CSMD3: variants seen among roughly 807,000 people sequenced by gnomAD.
CSMD3 encodes CUB and sushi domain-containing protein 3.
In CSMD3, 177 loss-of-function variants were observed where a neutral mutation model predicts 435.2. That is an observed-to-expected ratio of 0.41 (90% confidence interval 0.36 to 0.46). CSMD3 has a LOEUF of 0.46. Ranked by LOEUF, CSMD3 falls within the 20% of genes least tolerant of loss-of-function variation. The probability of loss-of-function intolerance (pLI) is 0.34; values close to 1 mark genes in which losing one functional copy is unlikely to be tolerated. For synonymous variants in CSMD3, 1,656 were observed against 1,520.5 expected (o/e 1.09, Z -2.07); for missense variants, 4,265 against 4,504.6 (o/e 0.95, Z 1.52).
intron 9 of CSMD3, among the ~76,000 whole-genome samples, 187 bp downstream of exon 9, chr8:112,947,603 T>C (rs925762122): frequency 1.3e-5 from 2 of 151,762 alleles, no homozygotes; most frequent in Non-Finnish European, 3.0e-5. Flanking sequence ...AAAAGTGTTC[T>C]AATAAAGTTA....
At chr8:112,233,049 C>T (rs1813245425) in intron 68 of CSMD3, among the ~76,000 whole-genome samples, 1 of 152,292 alleles carries the variant, frequency 6.6e-6, no homozygotes, top group South Asian at 2.1e-4. Flanking sequence ...ATACTACATG[C>T]ACCTTACATT....
intron 4 of CSMD3, among the ~76,000 whole-genome samples, chr8:113,104,624 C>T (rs531945933): frequency 3.9e-5 from 6 of 151,978 alleles, no homozygotes; most frequent in African/African-American, 7.2e-5. Flanking sequence ...ATGTTTGTCA[C>T]GGTACAACAA....
intron 22 of CSMD3, among the ~76,000 whole-genome samples, chr8:112,615,916 G>T (rs1040061269): frequency 2.6e-5 from 4 of 152,128 alleles, no homozygotes; most frequent in African/African-American, 9.7e-5. Flanking sequence ...CTGGAATTGA[G>T]AAAAGAAAAT....
At chr8:113,375,874 TTAAAA>T (rs1357408171) in intron 1 of CSMD3, among the ~76,000 whole-genome samples, 10 of 152,186 alleles carry the variant, frequency 6.6e-5, no homozygotes, top group Admixed American at 2.0e-4. Flanking sequence ...TAAAGAAAAC[TTAAAA>T]TAAGTATCAG....
intron 4 of CSMD3, among the ~76,000 whole-genome samples, chr8:113,136,922 G>A (rs1047697242): frequency 6.6e-6 from 1 of 151,554 alleles, no homozygotes; most frequent in Admixed American, 6.6e-5. Context: ...GCCTATAAAT[G>A]GAAGAAGAAA....
chr8:113,408,810 G>A lies in CSMD3; in HGVS notation c.178+27867C>T, dbSNP rs567720665. On this transcript the variant is annotated intron_variant, in intron 1 of 70. Coordinates refer to ENST00000297405, the MANE Select transcript of CSMD3 (RefSeq NM_198123.2). ...CTCCCGAGTAGCTGGGACTACAGGC[G>A]TGTGCCACCACACCCAACTAATTTT... Among the ~76,000 whole-genome samples the A allele has an allele frequency of 7.2e-5, 11 of 151,940 alleles. No homozygotes were observed. The South Asian group carries it at 1.5e-3, about 20-fold the overall frequency.
At chr8:113,339,504 C>A (rs956972787) in intron 1 of CSMD3, among the ~76,000 whole-genome samples, 2 of 151,934 alleles carry the variant, frequency 1.3e-5, no homozygotes, top group African/African-American at 4.8e-5. Context: ...CTTAGAACAT[C>A]ATACAAACGT....
chr8:113,297,682 C>T (rs1440500611), intron 2 of CSMD3, among the ~76,000 whole-genome samples: 2 of 151,930 alleles, frequency 1.3e-5, no homozygotes, highest in Non-Finnish European at 2.9e-5. Context: ...CTGCTCCTAA[C>T]CAAAAAGATT....
At chr8:113,413,856 T>G (rs2094570171) in intron 1 of CSMD3, among the ~76,000 whole-genome samples, 1 of 152,202 alleles carries the variant, frequency 6.6e-6, no homozygotes, top group Admixed American at 6.6e-5. Flanking sequence ...TTTACCTTCT[T>G]GTATGAATAT....
At chr8:112,851,718 C>T (rs190156407) in intron 11 of CSMD3, among the ~76,000 whole-genome samples, 43 of 151,362 alleles carry the variant, frequency 2.8e-4, no homozygotes, top group East Asian at 7.8e-4. Context: ...GAGCTGAGAT[C>T]GTGCCATTAC....
intron 62 of CSMD3, 69 bp from the exon 63 acceptor site, chr8:112,254,395 C>T (rs1320528787): frequency 9.5e-7 from 1 of 1,052,764 alleles, no homozygotes; most frequent in Non-Finnish European, 1.5e-6. Flanking sequence ...TCACAGAAAA[C>T]AATTTTAAAT....
intron 59 of CSMD3, 72 bp downstream of exon 59, chr8:112,281,102 C>T (rs902903318): frequency 1.5e-5 from 18 of 1,181,200 alleles, no homozygotes; most frequent in Non-Finnish European, 2.1e-5. Context: ...TTACAAAACA[C>T]ACAAAAATAC....
In CSMD3 at chr8:112,532,918, A is replaced by C. The variant is rs762479996; in HGVS notation, c.4565-15693T>G. Among the ~76,000 whole-genome samples the C allele has an allele frequency of 3.9e-5, 6 of 152,272 alleles. No homozygotes were observed. The South Asian group carries it at 6.2e-4, about 16-fold the overall frequency. ...CTTAGGAGATAGACAATATGGAAAG[A>C]TATAAGTTGATACAACAAAAAGCCT... On this transcript the variant is annotated intron_variant, in intron 27 of 70. Transcript: ENST00000297405.
rs535778873 is a variant in CSMD3 at position 112,451,907 on chromosome 8, T to G, written c.5395+20684A>C. 1.1e-4 allele frequency among the ~76,000 whole-genome samples: 17 copies of G among 152,300 alleles called. 1 individual carries two copies. Among genetic ancestry groups the G allele is most frequent in the African/African-American group, 3.9e-4 (16 of 41,552 alleles). On this transcript the variant is annotated intron_variant, in intron 32 of 70. Coordinates refer to ENST00000297405, the MANE Select transcript of CSMD3 (RefSeq NM_198123.2). ...TGTGTAAAGATATTTATTATTTAGA[T>G]TTTTTTAAAACAAAGGTTGAGATAA...
chr8:112,534,660 ATCC>A (rs1825879107), intron 27 of CSMD3, among the ~76,000 whole-genome samples: 1 of 152,066 alleles, frequency 6.6e-6, no homozygotes, highest in Non-Finnish European at 1.5e-5. Flanking sequence ...AAAAGAGGGA[ATCC>A]TCCCTAACTC....
intron 3 of CSMD3, among the ~76,000 whole-genome samples, chr8:113,240,509 A>C (rs1011255865): frequency 6.6e-6 from 1 of 152,098 alleles, no homozygotes; most frequent in Non-Finnish European, 1.5e-5. Flanking sequence ...CCACAACCTC[A>C]CTAGGCTAAG....
chr8:112,647,237 A>T (rs949251883), intron 19 of CSMD3, among the ~76,000 whole-genome samples: 3 of 151,534 alleles, frequency 2.0e-5, no homozygotes, highest in African/African-American at 4.9e-5. Context: ...ATGAATATAT[A>T]AAAAAAATTC....
chr8:112,233,722 G>T (rs1274457884), intron 68 of CSMD3, among the ~76,000 whole-genome samples: 1 of 152,078 alleles, frequency 6.6e-6, no homozygotes, highest in Admixed American at 6.6e-5. Context: ...GATCTCTCAT[G>T]CTGACTCTTC....
intron 10 of CSMD3, among the ~76,000 whole-genome samples, chr8:112,897,730 G>GTT (rs2081992729): frequency 7.1e-6 from 1 of 140,644 alleles, no homozygotes; most frequent in African/African-American, 2.5e-5. Context: ...GTGTGTGTGT[G>GTT]TAGGGGAAGT....
Sources: gnomAD v4.1 joint callset for allele counts (sites outside exome capture counted in the v4.1 genomes callset) on GRCh38, gnomAD v4.1.1 for gene constraint, MANE v1.5 for transcripts, NCBI Gene and HGNC (gene_info 2026-07-23, HGNC 2026-07-21) for gene names.